The following LAMC3 variants were observed in gnomAD, a reference collection of about 807,000 sequenced individuals.
LAMC3 encodes laminin subunit gamma-3.
LAMC3 carries 128 observed loss-of-function variants against 173.8 expected under a neutral mutation model. The ratio of observed to expected loss-of-function variants is 0.74; its 90% CI spans 0.64 to 0.85. The LOEUF (loss-of-function observed/expected upper bound fraction) is 0.85. LAMC3 is among the 40% of genes least tolerant of loss of function. LAMC3 has a pLI of 0.00. For synonymous variants in LAMC3, 897 were observed against 909.1 expected (o/e 0.99, Z 0.24); for missense variants, 2,022 against 2,156.0 (o/e 0.94, Z 1.23).
chr9:131,088,848 A>G (rs1830373584), intron 27 of LAMC3, among the ~76,000 whole-genome samples: 1 of 151,876 alleles, frequency 6.6e-6, no homozygotes, highest in African/African-American at 2.4e-5. Context: ...TTGAGAGGCT[A>G]AGGTGGGTGG....
At chr9:131,021,738 A>G (rs1833628958) in intron 1 of LAMC3, among the ~76,000 whole-genome samples, 1 of 152,112 alleles carries the variant, frequency 6.6e-6, no homozygotes, top group Non-Finnish European at 1.5e-5. Flanking sequence ...GGCCTCACGA[A>G]CTTCTGACAG....
At chr9:131,063,912 C>G (rs1829877371) in intron 13 of LAMC3, among the ~76,000 whole-genome samples, 1 of 151,976 alleles carries the variant, frequency 6.6e-6, no homozygotes, top group African/African-American at 2.4e-5. Flanking sequence ...GCACTATTAA[C>G]TTTTTTTTCT....
At chr9:131,011,010 C>T (rs988073912) in intron 1 of LAMC3, among the ~76,000 whole-genome samples, 2 of 152,214 alleles carry the variant, frequency 1.3e-5, no homozygotes, top group African/African-American at 2.4e-5. Flanking sequence ...CGAGGTCAGC[C>T]TCCCAAAGCT....
intron 1 of LAMC3, among the ~76,000 whole-genome samples, chr9:131,018,125 G>A (rs1271436458): frequency 6.6e-6 from 1 of 151,774 alleles, no homozygotes; most frequent in African/African-American, 2.4e-5. Flanking sequence ...GGAAAGGAGT[G>A]GCCCCAAGAT....
chr9:131,009,309 C>A lies in LAMC3; in HGVS notation c.95C>A (p.Pro32Gln). The change falls in exon 1 of 28, where the codon CCG becomes CAG. Residue 32 changes from proline (P) to glutamine (Q), a missense_variant. Coordinates refer to ENST00000361069, the MANE Select transcript of LAMC3 (RefSeq NM_006059.4). The surrounding 1 kb of genome is among the most constrained non-coding windows in gnomAD (Gnocchi z 4.3). ...MGACYDGAGR[P>Q]QRCLPVFENA... is the part of the protein sequence containing the mutation. ...GCGTGCTATGACGGCGCAGGGCGCC[C>A]GCAGCGCTGCCTGCCGGTGTTCGAG... 2 of 1,453,068 alleles carry A rather than the reference C, an allele frequency of 1.4e-6. No individual in the cohort carries two copies. The highest frequency in any genetic ancestry group is 1.3e-5 in the South Asian group (1 of 74,366). The allele number at this position is 1,453,068 out of a possible 1,614,324, so 90.0% of individuals were successfully genotyped here. A position where few individuals can be genotyped will look rare whatever the true frequency, so the allele number is the denominator to read the frequency against.
chr9:131,034,693 A>G (rs1437976782), intron 3 of LAMC3, among the ~76,000 whole-genome samples: 1 of 152,196 alleles, frequency 6.6e-6, no homozygotes, highest in Non-Finnish European at 1.5e-5. Flanking sequence ...GGGAGAAGCT[A>G]TTGCCTTGGC....
intron 25 of LAMC3, 96 bp from the exon 26 acceptor site, chr9:131,087,380 G>A: frequency 6.9e-7 from 1 of 1,456,804 alleles, no homozygotes; most frequent in East Asian, 2.3e-5. Flanking sequence ...GCCTGGTACA[G>A]ACAACTGCTT....
intron 6 of LAMC3, among the ~76,000 whole-genome samples, chr9:131,041,272 C>T (rs985484738): frequency 6.6e-6 from 1 of 150,384 alleles, no homozygotes; most frequent in Non-Finnish European, 1.5e-5. Flanking sequence ...GAGGCTGAGA[C>T]AGGAGAATCA....
chr9:131,081,909 A>G (rs1458908062), intron 23 of LAMC3, 150 bp from the exon 24 acceptor site: 22 of 677,200 alleles, frequency 3.2e-5, no homozygotes, highest in Non-Finnish European at 5.9e-5. Context: ...AATAACACAG[A>G]TCAGGTGCTC....
At position 131,087,636 on chromosome 9, in the gene LAMC3, GGCCCCT is replaced by G. The variant is rs759077121; in HGVS notation, c.4377+15_4377+20del. The G allele has an allele frequency of 6.2e-7, 1 of 1,613,810 alleles. No individual in the cohort carries two copies. Among genetic ancestry groups the G allele is most frequent in the Non-Finnish European group, 8.5e-7 (1 of 1,179,880 alleles). On this transcript the variant is annotated intron_variant, in intron 26 of 27. Transcript: ENST00000361069. ...GAAGCTGAGCGGGTACGTTTGCCAG[GGCCCCT>G]ACCCTATCGCCTCCTGCCCCTGGCA...
Position 131,089,524 on chromosome 9 carries a change from C to T in LAMC3, c.4477+1707C>T, listed in dbSNP as rs548022092. The stretch of plus-strand genomic sequence containing the variant: ...TTCGAAGTAGCTGGGACCACAGGCA[C>T]GCACCACCACACCCAGCTAATTTTT... On this transcript the variant is annotated intron_variant, in intron 27 of 27. Transcript: ENST00000361069. Among the ~76,000 whole-genome samples, 9 of 147,186 alleles carry T rather than the reference C, an allele frequency of 6.1e-5. No homozygotes were observed. In the East Asian group the frequency reaches 1.2e-3, roughly 20 times the overall value.
intron 13 of LAMC3, 88 bp from the exon 14 acceptor site, chr9:131,066,872 G>A: frequency 6.5e-7 from 1 of 1,546,346 alleles, no homozygotes; most frequent in Non-Finnish European, 8.8e-7. Context: ...GGGGAAGGTG[G>A]AGGGACGCTT....
rs547090197 is a variant in LAMC3 at position 131,091,720 on chromosome 9, G to A, written c.4661G>A (p.Arg1554His). The change falls in exon 28 of 28, where the codon CGC (arginine) becomes CAC (histidine). Residue 1554 changes from arginine (R) to histidine (H), a missense_variant. Physicochemically the swap from Arg to His is conservative, Grantham distance 29 (BLOSUM62 0). Transcript: ENST00000361069. ...QGFESDLAEI[R>H]ADKQNLEAIL... ...TTCGAGAGTGACCTCGCCGAGATCC[G>A]CGCCGACAAACAGAACCTGGAGGCC... is the stretch of plus-strand genomic sequence containing the variant. The A allele has an allele frequency of 1.1e-5, 18 of 1,612,920 alleles. No homozygotes were observed. The highest frequency in any genetic ancestry group is 8.0e-5 in the African/African-American group (6 of 75,012).
chr9:131,045,770 C>T, intron 8 of LAMC3, 110 bp downstream of exon 8: 3 of 1,378,288 alleles, frequency 2.2e-6, no homozygotes, highest in Non-Finnish European at 3.1e-6. Context: ...TGGAGAGGAG[C>T]CACAGGCCTG....
rs45628035 is a variant in LAMC3 at position 131,026,365 on chromosome 9, C to T, written c.454C>T (p.Arg152Cys). 21,473 of 1,614,162 alleles carry T rather than the reference C, an allele frequency of 0.013. 181 individuals are homozygous for T. The highest frequency in any genetic ancestry group is 0.025 in the Middle Eastern group (149 of 6,062). Residue 152 changes from arginine (R) to cysteine (C), a missense_variant, in exon 2 of 28, where the codon CGC becomes TGC. Arg to Cys is a radical substitution (Grantham distance 180, BLOSUM62 -3). Coordinates refer to ENST00000361069, the MANE Select transcript of LAMC3 (RefSeq NM_006059.4). This position sits in a 1 kb window ranked among gnomAD's most constrained non-coding sequence, Gnocchi z 4.8. ...GAGCTTTGCCATCTACAAGCGCAGC[C>T]GCGCCGACGGCCCATGGGAGCCCTA... Reference protein sequence around the residue: ...PESFAIYKRSRADGPWEPYQF... With the variant: ...PESFAIYKRSCADGPWEPYQF...
At chr9:131,062,496 A>G (rs953378730) in intron 13 of LAMC3, among the ~76,000 whole-genome samples, 2 of 152,226 alleles carry the variant, frequency 1.3e-5, no homozygotes, top group Non-Finnish European at 2.9e-5. Flanking sequence ...CAGGAAGTAC[A>G]ATTTGCAATG....
chr9:131,024,934 T>G (rs1833691230), intron 1 of LAMC3, among the ~76,000 whole-genome samples: 1 of 152,038 alleles, frequency 6.6e-6, no homozygotes, highest in South Asian at 2.1e-4. Flanking sequence ...GCATTAGGGC[T>G]TAAGGTTGAG....
At chr9:131,018,259 C>T (rs1353701092) in intron 1 of LAMC3, among the ~76,000 whole-genome samples, 3 of 151,338 alleles carry the variant, frequency 2.0e-5, no homozygotes, top group African/African-American at 2.4e-5. Context: ...CTCAGCCTCC[C>T]GTGTAGCTGG....
intron 6 of LAMC3, among the ~76,000 whole-genome samples, chr9:131,039,774 C>T (rs548516985): frequency 3.6e-4 from 55 of 151,772 alleles, no homozygotes; most frequent in African/African-American, 1.3e-3. Flanking sequence ...GGCTGACCTT[C>T]GGGGTTCTCT....
Sources: gnomAD v4.1 joint callset for allele counts (sites outside exome capture counted in the v4.1 genomes callset) on GRCh38, gnomAD v4.1.1 for gene constraint, Gnocchi (gnomAD v3.1) non-coding constraint, MANE v1.5 for transcripts, NCBI Gene and HGNC (gene_info 2026-07-23, HGNC 2026-07-21) for gene names.